The following CHPT1 variants were observed in gnomAD, a reference collection of about 807,000 sequenced individuals.
CHPT1 encodes the protein cholinephosphotransferase 1.
CHPT1 carries 36 observed loss-of-function variants against 47.6 expected under a neutral mutation model. That is an observed-to-expected ratio of 0.76 (90% CI 0.58 to 1.00). The LOEUF (loss-of-function observed/expected upper bound fraction) is 1.00. Among genes scored for constraint, CHPT1 ranks in the 50% least tolerant of loss-of-function variants. The pLI is 0.00. For missense variants in CHPT1, 458 were observed against 498.1 expected (o/e 0.92, Z 0.77); for synonymous variants, 194 against 186.3 (o/e 1.04, Z -0.33).
intron 8 of CHPT1, chr12:101,727,323 T>C (rs890405266): frequency 1.3e-4 from 20 of 152,300 alleles, no homozygotes; most frequent in African/African-American, 4.6e-4. Context: ...CATTAGGTAC[T>C]GATACTTATC....
chr12:101,698,916 A>T (rs1366593266), intron 1 of CHPT1, among the ~76,000 whole-genome samples: 1 of 152,234 alleles, frequency 6.6e-6, no homozygotes, highest in Non-Finnish European at 1.5e-5. Flanking sequence ...ACTACGTGGG[A>T]TAAATATTAC....
At chr12:101,720,561 A>G (rs1001164125) in intron 5 of CHPT1, among the ~76,000 whole-genome samples, 2 of 152,204 alleles carry the variant, frequency 1.3e-5, no homozygotes, top group Non-Finnish European at 2.9e-5. Flanking sequence ...GAGAAAGGGT[A>G]GGGAATGTAT....
intron 1 of CHPT1, 86 bp downstream of exon 1, chr12:101,698,220 G>A (rs1951494290): frequency 3.0e-6 from 4 of 1,351,944 alleles, no homozygotes; most frequent in Non-Finnish European, 3.8e-6. Flanking sequence ...GGACCCACGC[G>A]CGGCTGAGCC....
At chr12:101,722,635 C>A (rs1211232247) in intron 5 of CHPT1, among the ~76,000 whole-genome samples, 1 of 149,802 alleles carries the variant, frequency 6.7e-6, no homozygotes, top group Non-Finnish European at 1.5e-5. Context: ...GGGAGGATCG[C>A]TTGAGCCCGG....
intron 1 of CHPT1, 139 bp downstream of exon 1, chr12:101,698,273 G>T: frequency 7.9e-7 from 1 of 1,261,242 alleles, no homozygotes; most frequent in Non-Finnish European, 1.0e-6. Flanking sequence ...TGCCCCGGGC[G>T]GTGTCCGCCC....
intron 7 of CHPT1, among the ~76,000 whole-genome samples, chr12:101,725,225 A>G (rs1250560716): frequency 3.9e-5 from 6 of 152,110 alleles, no homozygotes; most frequent in Non-Finnish European, 7.4e-5. Flanking sequence ...TTCATAGTCC[A>G]TTCAGAAGTC....
At position 101,697,847 on chromosome 12, in the gene CHPT1, G is replaced by T; in HGVS notation, c.-15G>T. ...GGGCTGCGCTCGGTGGCGGCGGCGG[G>T]GCCCTCAGGCGGCCATGGCGGCAGG... is the stretch of plus-strand genomic sequence containing the variant. On this transcript the variant is annotated 5_prime_UTR_variant, in exon 1 of 9. Transcript: ENST00000229266. The T allele has an allele frequency of 9.3e-7, 1 of 1,075,046 alleles. No individual in the cohort carries two copies. The allele number at this position is 1,075,046 out of a possible 1,614,324, so 66.6% of individuals were successfully genotyped here. A position where few individuals can be genotyped will look rare whatever the true frequency, so the allele number is the denominator to read the frequency against.
intron 4 of CHPT1, among the ~76,000 whole-genome samples, chr12:101,718,664 TAAAA>T (rs869226936): frequency 3.1e-5 from 4 of 129,044 alleles, no homozygotes; most frequent in Non-Finnish European, 6.7e-5. Flanking sequence ...ACCCCATCTT[TAAAA>T]AAAAAAAAAA....
At position 101,716,231 on chromosome 12, in the gene CHPT1, C is replaced by G. The variant is rs77411120; in HGVS notation, c.564-497C>G. ...AGCATATTTACTAGGGGAAAAATGT[C>G]TATGGAAACTAAAAAAACTACAGTG... On this transcript the variant is annotated intron_variant, in intron 3 of 8. Coordinates refer to ENST00000229266, the MANE Select transcript of CHPT1 (RefSeq NM_020244.3). Among the ~76,000 whole-genome samples the G allele has an allele frequency of 9.0e-3, 1,374 of 152,098 alleles. 20 individuals carry two copies. The highest frequency in any genetic ancestry group is 0.032 in the African/African-American group (1,318 of 41,496).
In CHPT1 at chr12:101,697,980, C is replaced by G. The variant is rs200222128; in HGVS notation, c.119C>G (p.Ser40Trp). ...EEHRYSAAGV[S>W]LLEPPLQLYW... ...CACCGCTACAGCGCGGCGGGCGTCT[C>G]GCTGCTCGAGCCGCCGCTGCAGCTC... The change falls in exon 1 of 9, where the codon TCG becomes TGG. Residue 40 changes from serine (S) to tryptophan (W), a missense_variant. Ser to Trp is a radical substitution (Grantham distance 177). Coordinates refer to ENST00000229266, the MANE Select transcript of CHPT1 (RefSeq NM_020244.3). 6.3e-4 allele frequency: 958 copies of G among 1,517,754 alleles called. No homozygotes were observed. The highest frequency in any genetic ancestry group is 8.1e-4 in the Non-Finnish European group (929 of 1,144,036). The allele number at this position is 1,517,754 out of a possible 1,614,324, so 94.0% of individuals were successfully genotyped here. A position where few individuals can be genotyped will look rare whatever the true frequency, so the allele number is the denominator to read the frequency against.
At chr12:101,708,538 G>A (rs1463376224) in intron 1 of CHPT1, among the ~76,000 whole-genome samples, 1 of 151,806 alleles carries the variant, frequency 6.6e-6, no homozygotes, top group African/African-American at 2.4e-5. Flanking sequence ...CCTGGAAAGA[G>A]TTCTGTAACA....
chr12:101,699,838 G>A (rs774905223), intron 1 of CHPT1, among the ~76,000 whole-genome samples: 73 of 152,320 alleles, frequency 4.8e-4, no homozygotes, highest in Non-Finnish European at 8.2e-4. Flanking sequence ...AGAATGAAAG[G>A]ATAGCTGGGT....
rs143643271 is a variant in CHPT1, at chr12:101,726,630, C to A, written c.1176+226C>A. The A allele has an allele frequency of 1.0e-3, 559 of 542,040 alleles. 3 individuals are homozygous for A. Among genetic ancestry groups the A allele is most frequent in the Middle Eastern group, 7.8e-3 (15 of 1,916 alleles). The allele number at this position is 542,040 out of a possible 1,614,324, so 33.6% of individuals were successfully genotyped here. On this transcript the variant is annotated intron_variant, in intron 8 of 8. Transcript: ENST00000229266. ...TCACAGATGTTCTCAGAATTGTCTA[C>A]ATATTAATTAGAAACAAGACTAAAG... is the stretch of plus-strand genomic sequence containing the variant.
Position 101,714,491 on chromosome 12 carries a change from T to A in CHPT1, c.422-13T>A. On this transcript the variant is annotated splice_polypyrimidine_tract_variant and intron_variant, in intron 2 of 8. Transcript: ENST00000229266. ...TTTAATTCTTAATGATTCTTAAACT[T>A]TGTTTCTTTCAGTATTTATGGCAGT... The A allele has an allele frequency of 6.3e-7, 1 of 1,587,180 alleles. No individual in the cohort carries two copies. Among genetic ancestry groups the A allele is most frequent in the Non-Finnish European group, 8.5e-7 (1 of 1,170,864 alleles).
chr12:101,714,341 A>T (rs1951734417), intron 2 of CHPT1, 104 bp downstream of exon 2: 1 of 1,203,586 alleles, frequency 8.3e-7, no homozygotes. Flanking sequence ...GAGCAAATGT[A>T]TGGAGTTGTT....
chr12:101,707,603 G>A (rs1186650737), intron 1 of CHPT1, among the ~76,000 whole-genome samples: 2 of 152,158 alleles, frequency 1.3e-5, no homozygotes, highest in Admixed American at 6.5e-5. Flanking sequence ...GGAATGTAGG[G>A]GTGAGTGAGA....
chr12:101,712,252 C>T (rs1229452282), intron 1 of CHPT1, among the ~76,000 whole-genome samples: 2 of 148,386 alleles, frequency 1.3e-5, no homozygotes, highest in African/African-American at 4.9e-5. Context: ...AACCCCTGGG[C>T]TTAAGCAATC....
At position 101,720,309 on chromosome 12, in the gene CHPT1, C is replaced by T. The variant is rs1187791124; in HGVS notation, c.780+55C>T. On this transcript the variant is annotated intron_variant, in intron 5 of 8. Transcript: ENST00000229266. ...AATTTTATGATACATTTTCTTATCA[C>T]CAGTTATAAAAAGATTAAAATATGC... The T allele has an allele frequency of 4.9e-6, 7 of 1,438,976 alleles. No individual in the cohort carries two copies. In the South Asian group the frequency reaches 7.7e-5, roughly 16 times the overall value. 89.1% of individuals were successfully genotyped at this position (1,438,976 alleles called of 1,614,324 possible). A position where few individuals can be genotyped will look rare whatever the true frequency, so the allele number is the denominator to read the frequency against.
chr12:101,713,800 C>T (rs986975716), intron 1 of CHPT1, among the ~76,000 whole-genome samples: 2 of 152,002 alleles, frequency 1.3e-5, no homozygotes, highest in African/African-American at 4.8e-5. Context: ...TGGCATAATG[C>T]ATAGTATTAT....
Sources: gnomAD v4.1 joint callset for allele counts (sites outside exome capture counted in the v4.1 genomes callset) on GRCh38, gnomAD v4.1.1 for gene constraint, MANE v1.5 for transcripts, NCBI Gene and HGNC (gene_info 2026-07-23, HGNC 2026-07-21) for gene names.